Variants in ARHGAP25 observed in about 807,000 individuals in gnomAD.
ARHGAP25 encodes the protein Rho GTPase activating protein 25.
In ARHGAP25, 34 loss-of-function variants were observed where a neutral mutation model predicts 71.0. The ratio of observed to expected loss-of-function variants is 0.48; its 90% CI spans 0.36 to 0.64. The LOEUF (loss-of-function observed/expected upper bound fraction) is 0.64. Among genes scored for constraint, ARHGAP25 ranks in the 30% least tolerant of loss-of-function variants. The pLI, the probability that ARHGAP25 is intolerant of heterozygous loss-of-function variation, is 0.00. For synonymous variants in ARHGAP25, 282 were observed against 296.5 expected (o/e 0.95, Z 0.50); for missense variants, 706 against 805.1 (o/e 0.88, Z 1.49).
intron 1 of ARHGAP25, among the ~76,000 whole-genome samples, chr2:68,736,220 G>A (rs71413159): frequency 2.0e-5 from 3 of 152,078 alleles, no homozygotes; most frequent in Admixed American, 6.6e-5. Flanking sequence ...AGTCACAAGC[G>A]GAGCATTAAT....
At chr2:68,787,634 A>G (rs1318051831) in intron 3 of ARHGAP25, among the ~76,000 whole-genome samples, 1 of 152,230 alleles carries the variant, frequency 6.6e-6, no homozygotes, top group African/African-American at 2.4e-5. Context: ...CATTGTGTTC[A>G]ATGATTTGTC....
chr2:68,794,168 G>A (rs1352089666), intron 4 of ARHGAP25, among the ~76,000 whole-genome samples: 6 of 151,996 alleles, frequency 3.9e-5, no homozygotes, highest in Admixed American at 2.6e-4. Context: ...GAGTTTTTTG[G>A]TGGAGTCTTT....
At chr2:68,810,747 T>G (rs1266825700) in intron 5 of ARHGAP25, among the ~76,000 whole-genome samples, 1 of 112,602 alleles carries the variant, frequency 8.9e-6, no homozygotes, top group Non-Finnish European at 1.9e-5. Flanking sequence ...TTTTTTTTTT[T>G]TTTTTGAGAC....
At chr2:68,750,322 C>CT (rs367795010) in intron 1 of ARHGAP25, among the ~76,000 whole-genome samples, 2,000 of 139,480 alleles carry the variant, frequency 0.014, 24 homozygotes, top group Non-Finnish European at 0.021. Context: ...CATGAAGCCA[C>CT]TTTTTTTTTT....
chr2:68,771,070 T>C (rs1356853108), intron 1 of ARHGAP25, among the ~76,000 whole-genome samples: 1 of 152,210 alleles, frequency 6.6e-6, no homozygotes, highest in Non-Finnish European at 1.5e-5. Context: ...AGGAACTCAA[T>C]TGTAACTTAA....
chr2:68,806,240 A>C (rs1404948597), intron 4 of ARHGAP25, among the ~76,000 whole-genome samples: 1 of 152,246 alleles, frequency 6.6e-6, no homozygotes, highest in South Asian at 2.1e-4. Context: ...ATGCATCCAA[A>C]TGTTAATTAA....
intron 4 of ARHGAP25, among the ~76,000 whole-genome samples, chr2:68,802,136 G>A (rs920679583): frequency 6.6e-6 from 1 of 152,124 alleles, no homozygotes; most frequent in Non-Finnish European, 1.5e-5. Context: ...TAGGCCGGGC[G>A]CGGTGGCTCA....
Position 68,774,925 on chromosome 2 carries a change from A to T in ARHGAP25, c.62-296A>T, listed in dbSNP as rs889080870. 1.9e-5 allele frequency: 27 copies of T among 1,401,440 alleles called. No homozygotes were observed. In the African/African-American group the frequency reaches 2.8e-4, roughly 14 times the overall value. The allele number at this position is 1,401,440 out of a possible 1,614,324, so 86.8% of individuals were successfully genotyped here. ...CTTCCTCTTCAGAAGGCTCCAGCCA[A>T]CCTTTCGGTTTGCAGAATGACGGGG... On this transcript the variant is annotated intron_variant, in intron 1 of 10. Coordinates refer to ENST00000409202, the MANE Select transcript of ARHGAP25 (RefSeq NM_001007231.3).
chr2:68,809,067 C>T (rs1050648255), intron 5 of ARHGAP25, among the ~76,000 whole-genome samples: 1 of 152,148 alleles, frequency 6.6e-6, no homozygotes, highest in Non-Finnish European at 1.5e-5. Context: ...CTTGAGAGGA[C>T]AAGTCTGATT....
intron 1 of ARHGAP25, among the ~76,000 whole-genome samples, chr2:68,744,186 C>T (rs1675680752): frequency 6.6e-6 from 1 of 152,140 alleles, no homozygotes. Context: ...TCTAAAATCA[C>T]ACAAAAATTC....
chr2:68,800,247 G>A (rs1679871336), intron 4 of ARHGAP25, among the ~76,000 whole-genome samples: 1 of 152,000 alleles, frequency 6.6e-6, no homozygotes, highest in Non-Finnish European at 1.5e-5. Flanking sequence ...GCAGGGTGGG[G>A]AGGGGCTCTT....
chr2:68,806,126 C>T (rs1425552246), intron 4 of ARHGAP25, among the ~76,000 whole-genome samples: 2 of 152,198 alleles, frequency 1.3e-5, no homozygotes, highest in African/African-American at 4.8e-5. Flanking sequence ...AAGCAATTTG[C>T]ATGCCATCAA....
intron 2 of ARHGAP25, among the ~76,000 whole-genome samples, chr2:68,713,114 C>T (rs1371657822): frequency 6.6e-6 from 1 of 152,160 alleles, no homozygotes; most frequent in Non-Finnish European, 1.5e-5. Flanking sequence ...TGGTCATTTT[C>T]ACAATATTGA....
At chr2:68,761,780 T>C (rs4383367) in intron 1 of ARHGAP25, among the ~76,000 whole-genome samples, 129,018 of 152,160 alleles carry the variant, frequency 0.85, 54,941 homozygotes, top group African/African-American at 0.9. Flanking sequence ...TTTGCACTGT[T>C]GGTGGAAATG....
intron 10 of ARHGAP25, among the ~76,000 whole-genome samples, chr2:68,825,496 T>C (rs1682048647): frequency 6.6e-6 from 1 of 152,130 alleles, no homozygotes; most frequent in African/African-American, 2.4e-5. Context: ...CTGGGTGTGG[T>C]GGTTCATGCC....
At chr2:68,816,463 G>A (rs1301420355) in intron 7 of ARHGAP25, 101 bp downstream of exon 7, 21 of 931,746 alleles carry the variant, frequency 2.3e-5, no homozygotes, top group East Asian at 1.5e-4. Context: ...AGAGATTCTG[G>A]TCTAGCACTT....
chr2:68,795,822 T>G (rs114560811), intron 4 of ARHGAP25, among the ~76,000 whole-genome samples: 2,763 of 152,324 alleles, frequency 0.018, 80 homozygotes, highest in African/African-American at 0.063. Flanking sequence ...ATTTATTTTC[T>G]GTCTAGATGA....
rs1481022709 is a variant in ARHGAP25 at position 68,734,823 on chromosome 2, C to T, written c.-377C>T. Reference sequence around the variant, plus strand: ...ACCAAGAGGCAGCAGTTGTTTATCACGACCTCAACTCAGTAAGGCCTGAGA... The same window carrying T: ...ACCAAGAGGCAGCAGTTGTTTATCATGACCTCAACTCAGTAAGGCCTGAGA... On this transcript the variant is annotated 5_prime_UTR_variant, in exon 1 of 11. It adds an upstream start codon to the 5' untranslated region. Coordinates refer to ENST00000409202, the MANE Select transcript of ARHGAP25 (RefSeq NM_001007231.3). 7 of 251,814 alleles carry T rather than the reference C, an allele frequency of 2.8e-5. No individual in the cohort carries two copies. The highest frequency in any genetic ancestry group is 7.5e-5 in the South Asian group (1 of 13,268). The allele number at this position is 251,814 out of a possible 1,614,324, so 15.6% of individuals were successfully genotyped here. A position where few individuals can be genotyped will look rare whatever the true frequency, so the allele number is the denominator to read the frequency against.
At chr2:68,819,032 C>G (rs17545022) in intron 8 of ARHGAP25, 91 bp from the exon 9 acceptor site, 2 of 1,174,086 alleles carry the variant, frequency 1.7e-6, no homozygotes, top group Non-Finnish European at 2.4e-6. Context: ...GTTTTAGAAC[C>G]GAGTTTGGAG....
Sources: gnomAD v4.1 joint callset for allele counts (sites outside exome capture counted in the v4.1 genomes callset) on GRCh38, gnomAD v4.1.1 for gene constraint, MANE v1.5 for transcripts, NCBI Gene and HGNC (gene_info 2026-07-23, HGNC 2026-07-21) for gene names.